ALK: variants seen among roughly 807,000 people sequenced by gnomAD.
ALK encodes ALK tyrosine kinase receptor.
ALK carries 74 observed loss-of-function variants against 163.1 expected under a neutral mutation model. The observed-to-expected ratio is 0.45, with a 90% CI of 0.38 to 0.55. The LOEUF is 0.55. Among genes scored for constraint, ALK ranks in the 20% least tolerant of loss-of-function variants. The pLI is 0.00. For missense variants in ALK, 2,063 were observed against 2,105.3 expected (o/e 0.98, Z 0.39); for synonymous variants, 960 against 843.2 (o/e 1.14, Z -2.40).
chr2:29,533,567 T>C (rs1339435280), intron 3 of ALK, among the ~76,000 whole-genome samples: 1 of 152,182 alleles, frequency 6.6e-6, no homozygotes, highest in Non-Finnish European at 1.5e-5. Flanking sequence ...GGCCAGGATG[T>C]ATAGCTTTGG....
chr2:29,339,694 G>A (rs961068450), intron 5 of ALK, among the ~76,000 whole-genome samples: 1 of 152,204 alleles, frequency 6.6e-6, no homozygotes, highest in Non-Finnish European at 1.5e-5. Flanking sequence ...TGGTGACATA[G>A]AGATGGAGGG....
chr2:29,860,529 G>T (rs1259034023), intron 1 of ALK, among the ~76,000 whole-genome samples: 2 of 152,078 alleles, frequency 1.3e-5, no homozygotes, highest in Non-Finnish European at 2.9e-5. Context: ...TAGACCAAAT[G>T]GATCTAACAG....
chr2:29,458,524 C>T (rs180750105), intron 4 of ALK, among the ~76,000 whole-genome samples: 4 of 152,270 alleles, frequency 2.6e-5, no homozygotes, highest in Admixed American at 2.6e-4. Context: ...ATAGATACTG[C>T]ATCAATCTTG....
chr2:29,798,247 T>A (rs1664372932), intron 1 of ALK, among the ~76,000 whole-genome samples: 1 of 152,222 alleles, frequency 6.6e-6, no homozygotes, highest in Admixed American at 6.5e-5. Context: ...AGAGGGAGTC[T>A]TTTGGATGCT....
chr2:29,597,226 T>C (rs1180180567), intron 3 of ALK, among the ~76,000 whole-genome samples: 1 of 152,156 alleles, frequency 6.6e-6, no homozygotes, highest in Admixed American at 6.5e-5. Flanking sequence ...GGAAATCCAA[T>C]CCCCTGACGG....
chr2:29,869,252 T>G (rs1399008880), intron 1 of ALK, among the ~76,000 whole-genome samples: 2 of 152,228 alleles, frequency 1.3e-5, no homozygotes, highest in Non-Finnish European at 2.9e-5. Flanking sequence ...AACAGCCACA[T>G]AAAATATAGA....
intron 5 of ALK, among the ~76,000 whole-genome samples, chr2:29,348,328 G>T (rs899873614): frequency 3.3e-5 from 5 of 152,184 alleles, no homozygotes; most frequent in Non-Finnish European, 5.9e-5. Flanking sequence ...CAGCTCTCTG[G>T]AGAGGGTATC....
At chr2:29,291,408 G>C (rs1324688828) in intron 9 of ALK, among the ~76,000 whole-genome samples, 1 of 152,050 alleles carries the variant, frequency 6.6e-6, no homozygotes, top group Non-Finnish European at 1.5e-5. Context: ...AATGGCTACT[G>C]TTTTTCAAGT....
intron 3 of ALK, among the ~76,000 whole-genome samples, chr2:29,644,793 T>A (rs1676825339): frequency 6.6e-6 from 1 of 152,180 alleles, no homozygotes. Context: ...AGGTAAGTTT[T>A]AAAAACAATT....
In ALK at chr2:29,271,681, C is replaced by T. The variant is rs181455357; in HGVS notation, c.2041+3418G>A. Among the ~76,000 whole-genome samples the T allele has an allele frequency of 2.6e-3, 400 of 152,404 alleles. 1 individual carries two copies. Among genetic ancestry groups the T allele is most frequent in the African/African-American group, 8.9e-3 (369 of 41,600 alleles). On this transcript the variant is annotated intron_variant, in intron 11 of 28. Coordinates refer to ENST00000389048, the MANE Select transcript of ALK (RefSeq NM_004304.5). ...CAGAGGCAGAATGGCCCCACGCCCA[C>T]GGCTTGCCAGTGCAACCAGCCAGGG...
chr2:29,660,382 C>T (rs1426125084), intron 3 of ALK, among the ~76,000 whole-genome samples: 1 of 152,166 alleles, frequency 6.6e-6, no homozygotes, highest in East Asian at 1.9e-4. Context: ...GTTGCCAAGA[C>T]AGGTGGGCAA....
At chr2:29,418,492 C>T (rs918167324) in intron 4 of ALK, among the ~76,000 whole-genome samples, 2 of 152,152 alleles carry the variant, frequency 1.3e-5, no homozygotes, top group Non-Finnish European at 2.9e-5. Context: ...TTCTTACATG[C>T]ATATATTAAG....
At position 29,739,516 on chromosome 2, in the gene ALK, C is replaced by G. The variant is rs1490460435; in HGVS notation, c.668-21819G>C. Among the ~76,000 whole-genome samples, 5 of 151,102 alleles carry G rather than the reference C, an allele frequency of 3.3e-5. No homozygotes were observed. In the South Asian group the frequency reaches 6.3e-4, roughly 19 times the overall value. On this transcript the variant is annotated intron_variant, in intron 1 of 28. Transcript: ENST00000389048. ...GAGATTGCAGTGAGCCGAGATTGCG[C>G]CACTGCACTCCAGCCTGGGCGACAG...
At chr2:29,776,216 G>A in intron 1 of ALK, among the ~76,000 whole-genome samples, 1 of 90,342 alleles carries the variant, frequency 1.1e-5, no homozygotes. Context: ...AAATGCAATG[G>A]AATTTTGTTA....
In ALK at chr2:29,630,377, AT is replaced by A. The variant is rs956292494; in HGVS notation, c.952+64472del. Among the ~76,000 whole-genome samples, 80 of 152,046 alleles carry A rather than the reference AT, an allele frequency of 5.3e-4. 1 individual carries two copies. Among genetic ancestry groups the A allele is most frequent in the Non-Finnish European group, 1.1e-3 (75 of 67,966 alleles). On this transcript the variant is annotated intron_variant, in intron 3 of 28. Coordinates refer to ENST00000389048, the MANE Select transcript of ALK (RefSeq NM_004304.5). ...TCATAGATAAGAAATTTTATTTATT[AT>A]TTTTTTTCTTACAGGTGATATTAAG...
At chr2:29,672,302 A>G (rs1329440316) in intron 3 of ALK, among the ~76,000 whole-genome samples, 1 of 151,186 alleles carries the variant, frequency 6.6e-6, no homozygotes, top group Admixed American at 6.6e-5. Flanking sequence ...CATTAGGTAT[A>G]TCTCCCAATG....
intron 3 of ALK, among the ~76,000 whole-genome samples, chr2:29,628,740 T>C (rs1676269933): frequency 6.6e-6 from 1 of 152,194 alleles, no homozygotes; most frequent in South Asian, 2.1e-4. Context: ...AACTAGTTCA[T>C]GTGTGATCTC....
intron 1 of ALK, among the ~76,000 whole-genome samples, chr2:29,819,705 G>GT (rs935183186): frequency 5.9e-5 from 9 of 152,188 alleles, no homozygotes; most frequent in African/African-American, 1.7e-4. Context: ...TGTTGCATGT[G>GT]TTTTTTTGTT....
intron 1 of ALK, among the ~76,000 whole-genome samples, chr2:29,864,208 C>T (rs1217298370): frequency 6.6e-6 from 1 of 152,188 alleles, no homozygotes; most frequent in East Asian, 1.9e-4. Context: ...GCTACGTACA[C>T]ATACCCCTCC....
Sources: allele counts gnomAD v4.1 joint callset (sites outside exome capture counted in the v4.1 genomes callset), GRCh38; gene constraint gnomAD v4.1.1; transcripts MANE v1.5; gene names NCBI Gene and HGNC (gene_info 2026-07-23, HGNC 2026-07-21).